Variants in TRPC4 observed in about 807,000 individuals in gnomAD.
TRPC4 encodes transient receptor potential cation channel subfamily C member 4.
TRPC4 carries 49 observed loss-of-function variants against 99.4 expected under a neutral mutation model. The ratio of observed to expected loss-of-function variants is 0.49; its 90% CI spans 0.39 to 0.63. The LOEUF (loss-of-function observed/expected upper bound fraction) is 0.63, where lower values mean the gene tolerates loss of function less well. TRPC4 is among the 20% of genes least tolerant of loss of function. The probability of loss-of-function intolerance (pLI) is 0.00; values close to 1 mark genes in which losing one functional copy is unlikely to be tolerated. For synonymous variants in TRPC4, 454 were observed against 425.9 expected, an observed-to-expected ratio of 1.07 and a Z score of -0.81; for missense variants, 898 against 1,152.9, an observed-to-expected ratio of 0.78 and a Z score of 3.20.
At chr13:37,792,776 C>CA (rs71709950) in intron 1 of TRPC4, among the ~76,000 whole-genome samples, 44,742 of 144,420 alleles carry the variant, frequency 0.31, 8,337 homozygotes, top group South Asian at 0.43. Context: ...GATGTGCAAA[C>CA]AAAAAAAAAG....
intron 3 of TRPC4, among the ~76,000 whole-genome samples, chr13:37,745,474 A>ATG (rs1566138420): frequency 0.12 from 248 of 2,100 alleles, 4 homozygotes; most frequent in South Asian, 0.23. Flanking sequence ...ATATATATAT[A>ATG]CACACACACA....
At chr13:37,789,106 T>G in intron 1 of TRPC4, among the ~76,000 whole-genome samples, 1 of 152,138 alleles carries the variant, frequency 6.6e-6, no homozygotes, top group East Asian at 1.9e-4. Context: ...AATCACTTTC[T>G]TACTGATAGT....
rs551140692 is a variant in TRPC4 at position 37,633,279 on chromosome 13, A to T, written c.*3624T>A. ...TTTCAGATAATACAGAGAAAGAAAA[A>T]TATATTGTAAGCATATTTACAGGGC... On this transcript the variant is annotated 3_prime_UTR_variant, in exon 11 of 11. Transcript: ENST00000379705. 6.6e-5 allele frequency among the ~76,000 whole-genome samples: 10 copies of T among 152,252 alleles called. No homozygotes were observed. In the South Asian group the frequency reaches 2.1e-3, roughly 32 times the overall value.
intron 5 of TRPC4, among the ~76,000 whole-genome samples, chr13:37,668,653 G>A (rs915095480): frequency 1.3e-5 from 2 of 152,158 alleles, no homozygotes; most frequent in Admixed American, 1.3e-4. Flanking sequence ...TTGAATGTAG[G>A]AAAATATGTT....
chr13:37,742,700 T>C (rs1357843379), intron 3 of TRPC4, among the ~76,000 whole-genome samples: 2 of 152,104 alleles, frequency 1.3e-5, no homozygotes, highest in Admixed American at 1.3e-4. Context: ...GGACTAAAGA[T>C]AAATCTCAGA....
intron 3 of TRPC4, among the ~76,000 whole-genome samples, chr13:37,721,320 C>T (rs1954861026): frequency 6.6e-6 from 1 of 151,730 alleles, no homozygotes; most frequent in Admixed American, 6.6e-5. Context: ...AACACTTGTC[C>T]AGTAAGTCAT....
chr13:37,869,502 TC>T (rs1960021946), intron 1 of TRPC4, 92 bp downstream of exon 1: 1 of 152,200 alleles, frequency 6.6e-6, no homozygotes, highest in South Asian at 2.1e-4. Context: ...AGAGCCGGCT[TC>T]CCAGGCAGCT....
chr13:37,638,963 C>A, intron 10 of TRPC4, 77 bp downstream of exon 10: 1 of 1,468,208 alleles, frequency 6.8e-7, no homozygotes, highest in Admixed American at 1.7e-5. Flanking sequence ...GCATTTCCAG[C>A]TCTGATTTTA....
At chr13:37,855,334 G>GTATATATATATATATATATA (rs1319645869) in intron 1 of TRPC4, among the ~76,000 whole-genome samples, 2 of 114,086 alleles carry the variant, frequency 1.8e-5, no homozygotes, top group African/African-American at 7.4e-5. Context: ...TATATACAAT[G>GTATATATATATATATATATA]TAGATATATA....
chr13:37,752,083 A>ATG (rs1451598327), intron 2 of TRPC4, among the ~76,000 whole-genome samples: 16 of 110,942 alleles, frequency 1.4e-4, no homozygotes, highest in South Asian at 8.3e-4. Context: ...AACTATATAT[A>ATG]TATATATATA....
chr13:37,768,117 G>A (rs887285292), intron 2 of TRPC4, among the ~76,000 whole-genome samples: 1 of 151,482 alleles, frequency 6.6e-6, no homozygotes, highest in Non-Finnish European at 1.5e-5. Flanking sequence ...TAAGGTAAAT[G>A]AGGATAATAA....
At chr13:37,840,806 T>C (rs573002982) in intron 1 of TRPC4, among the ~76,000 whole-genome samples, 1 of 152,046 alleles carries the variant, frequency 6.6e-6, no homozygotes, top group Non-Finnish European at 1.5e-5. Context: ...TTTGTTGATT[T>C]GAGTCTATCA....
intron 2 of TRPC4, among the ~76,000 whole-genome samples, chr13:37,770,526 C>T (rs556412766): frequency 1.3e-5 from 2 of 151,414 alleles, no homozygotes. Flanking sequence ...CATATTACCA[C>T]CAAGCCAAGC....
intron 2 of TRPC4, among the ~76,000 whole-genome samples, chr13:37,757,135 AAT>A (rs1260739593): frequency 6.6e-6 from 1 of 152,086 alleles, no homozygotes; most frequent in Non-Finnish European, 1.5e-5. Flanking sequence ...TAGTACATTA[AAT>A]AAAAAGTTAC....
At chr13:37,809,235 C>A (rs1286125335) in intron 1 of TRPC4, among the ~76,000 whole-genome samples, 1 of 152,006 alleles carries the variant, frequency 6.6e-6, no homozygotes, top group Non-Finnish European at 1.5e-5. Context: ...CCCTTACTGA[C>A]TTCAGTGAAT....
At chr13:37,794,707 A>C (rs1400179437) in intron 1 of TRPC4, among the ~76,000 whole-genome samples, 1 of 152,110 alleles carries the variant, frequency 6.6e-6, no homozygotes, top group African/African-American at 2.4e-5. Context: ...TTACTTTTCC[A>C]TTAGTTATAT....
chr13:37,832,877 A>G (rs776011547), intron 1 of TRPC4, among the ~76,000 whole-genome samples: 2 of 152,190 alleles, frequency 1.3e-5, no homozygotes, highest in African/African-American at 4.8e-5. Context: ...TCTATTGATT[A>G]ACCTCTAAAC....
intron 7 of TRPC4, among the ~76,000 whole-genome samples, chr13:37,654,832 C>T (rs906264970): frequency 2.6e-5 from 4 of 152,150 alleles, no homozygotes; most frequent in Admixed American, 2.0e-4. Context: ...CTACTACTTC[C>T]CATAGCCAAT....
At chr13:37,762,232 G>T (rs1466722697) in intron 2 of TRPC4, among the ~76,000 whole-genome samples, 4 of 151,740 alleles carry the variant, frequency 2.6e-5, no homozygotes, top group Non-Finnish European at 5.9e-5. Context: ...GTGTAAAAGT[G>T]TTCCTATTTC....
Sources: allele counts gnomAD v4.1 joint callset (sites outside exome capture counted in the v4.1 genomes callset), GRCh38; gene constraint gnomAD v4.1.1; transcripts MANE v1.5; gene names NCBI Gene and HGNC (gene_info 2026-07-23, HGNC 2026-07-21).